COMMD10: variants seen among roughly 807,000 people sequenced by gnomAD.
COMMD10 encodes COMM domain containing 10.
A neutral mutation model predicts 28.9 loss-of-function variants in COMMD10; 33 were observed. That is an observed-to-expected ratio of 1.14 (90% CI 0.87 to 1.53). COMMD10 has a LOEUF of 1.53. Ranked by LOEUF, COMMD10 falls within the 40% of genes most tolerant of loss-of-function variation. The pLI is 0.00. For synonymous variants in COMMD10, 110 were observed against 81.7 expected, an observed-to-expected ratio of 1.35 and a Z score of -1.87; for missense variants, 310 against 233.4, an observed-to-expected ratio of 1.33 and a Z score of -2.14.
chr5:116,273,877 T>C (rs1439462972), intron 5 of COMMD10, among the ~76,000 whole-genome samples: 4 of 151,744 alleles, frequency 2.6e-5, no homozygotes, highest in Non-Finnish European at 5.9e-5. Context: ...ATTAATAAAC[T>C]ACAGAAAAGA....
intron 5 of COMMD10, among the ~76,000 whole-genome samples, chr5:116,167,028 A>C (rs929370809): frequency 1.3e-5 from 2 of 152,100 alleles, no homozygotes; most frequent in Non-Finnish European, 2.9e-5. Flanking sequence ...TGGGCTTCAG[A>C]AAATGGGTTA....
At chr5:116,211,262 T>C (rs1748955773) in intron 5 of COMMD10, among the ~76,000 whole-genome samples, 1 of 152,108 alleles carries the variant, frequency 6.6e-6, no homozygotes, top group Admixed American at 6.6e-5. Flanking sequence ...CTGATCCCTG[T>C]GCAAACATCA....
At chr5:116,200,507 A>G (rs1328046097) in intron 5 of COMMD10, among the ~76,000 whole-genome samples, 5 of 151,582 alleles carry the variant, frequency 3.3e-5, no homozygotes, top group African/African-American at 7.3e-5. Flanking sequence ...ATTGCTTTAC[A>G]TTTTTTTCCT....
intron 4 of COMMD10, among the ~76,000 whole-genome samples, chr5:116,112,298 T>G (rs914711486): frequency 6.6e-6 from 1 of 152,218 alleles, no homozygotes; most frequent in Non-Finnish European, 1.5e-5. Flanking sequence ...TAGATTTTCG[T>G]TGGCCCATAA....
intron 5 of COMMD10, among the ~76,000 whole-genome samples, chr5:116,230,161 A>T (rs1749494347): frequency 6.6e-6 from 1 of 152,036 alleles, no homozygotes. Context: ...AGAGCATCGT[A>T]ATCTCCTTAG....
At chr5:116,284,177 T>TA (rs113928486) in intron 5 of COMMD10, among the ~76,000 whole-genome samples, 8,232 of 151,882 alleles carry the variant, frequency 0.054, 409 homozygotes, top group African/African-American at 0.11. Flanking sequence ...TTAATTTCTT[T>TA]AAAATCTTTT....
intron 4 of COMMD10, among the ~76,000 whole-genome samples, chr5:116,094,843 A>G (rs1750417223): frequency 6.6e-6 from 1 of 152,228 alleles, no homozygotes; most frequent in South Asian, 2.1e-4. Flanking sequence ...TTCAACCATA[A>G]AAGAGAGTGA....
intron 4 of COMMD10, among the ~76,000 whole-genome samples, chr5:116,096,509 T>C (rs1322479753): frequency 1.3e-5 from 2 of 152,058 alleles, no homozygotes; most frequent in African/African-American, 4.8e-5. Flanking sequence ...GTGATTTCCT[T>C]TGAAGGCAGT....
intron 1 of COMMD10, chr5:116,085,380 C>A: frequency 2.4e-6 from 1 of 414,020 alleles, no homozygotes; most frequent in Middle Eastern, 6.2e-4. Flanking sequence ...CGTCACTGTT[C>A]GCGGAGTTTG....
At chr5:116,098,336 G>T (rs888342141) in intron 4 of COMMD10, among the ~76,000 whole-genome samples, 2 of 152,132 alleles carry the variant, frequency 1.3e-5, no homozygotes, top group African/African-American at 4.8e-5. Flanking sequence ...CTGTTTTATG[G>T]TAACTTAGGG....
intron 5 of COMMD10, among the ~76,000 whole-genome samples, chr5:116,172,098 G>C (rs73255152): frequency 0.075 from 11,419 of 152,088 alleles, 866 homozygotes; most frequent in African/African-American, 0.19. Context: ...ACCAAAGGCT[G>C]GAAAAATATA....
At chr5:116,142,330 C>T (rs1752220799) in intron 5 of COMMD10, among the ~76,000 whole-genome samples, 1 of 151,646 alleles carries the variant, frequency 6.6e-6, no homozygotes, top group Non-Finnish European at 1.5e-5. Context: ...GGGTTTGTTT[C>T]TAGTATTTTC....
intron 5 of COMMD10, among the ~76,000 whole-genome samples, chr5:116,288,748 ACTGTATTTTT>A (rs1190396229): frequency 3.3e-5 from 5 of 150,224 alleles, no homozygotes; most frequent in Non-Finnish European, 7.4e-5. Flanking sequence ...CCATTCCGTT[ACTGTATTTTT>A]CAGCTCCAGG....
At chr5:116,101,321 G>A (rs1750650955) in intron 4 of COMMD10, among the ~76,000 whole-genome samples, 1 of 152,042 alleles carries the variant, frequency 6.6e-6, no homozygotes, top group South Asian at 2.1e-4. Context: ...TCTCTATACT[G>A]TTTTCCATAG....
intron 5 of COMMD10, among the ~76,000 whole-genome samples, chr5:116,227,507 A>G (rs1401970260): frequency 2.6e-5 from 4 of 152,092 alleles, no homozygotes; most frequent in African/African-American, 9.7e-5. Context: ...CCTGCCACAA[A>G]ATAGTACTCT....
At chr5:116,157,954 T>TA (rs1413903877) in intron 5 of COMMD10, among the ~76,000 whole-genome samples, 4,313 of 150,424 alleles carry the variant, frequency 0.029, 202 homozygotes, top group African/African-American at 0.099. Flanking sequence ...TTTTTTTTTT[T>TA]AGTCAACCAT....
chr5:116,162,773 T>G (rs895447389), intron 5 of COMMD10, among the ~76,000 whole-genome samples: 1 of 152,198 alleles, frequency 6.6e-6, no homozygotes, highest in Admixed American at 6.5e-5. Context: ...TTTAGAGACA[T>G]AGTGGTAAAT....
intron 5 of COMMD10, among the ~76,000 whole-genome samples, chr5:116,223,641 G>A (rs980779195): frequency 6.6e-6 from 1 of 152,302 alleles, no homozygotes; most frequent in South Asian, 2.1e-4. Context: ...AGACCGTAAG[G>A]TTGAGTCAGA....
chr5:116,172,035 A>G (rs13161987), intron 5 of COMMD10, among the ~76,000 whole-genome samples: 77,196 of 151,974 alleles, frequency 0.51, 22,286 homozygotes, highest in Non-Finnish European at 0.65. Flanking sequence ...CTGGTGGTTG[A>G]TGTCCAAAAT....
Sources: allele counts gnomAD v4.1 joint callset (sites outside exome capture counted in the v4.1 genomes callset), GRCh38; gene constraint gnomAD v4.1.1; transcripts MANE v1.5; gene names NCBI Gene and HGNC (gene_info 2026-07-23, HGNC 2026-07-21).